The following COLEC10 variants were observed in gnomAD, a reference collection of about 807,000 sequenced individuals.
The protein encoded by COLEC10 is collectin-10.
COLEC10 carries 22 observed loss-of-function variants against 28.4 expected under a neutral mutation model. The ratio of observed to expected loss-of-function variants is 0.78; its 90% CI spans 0.55 to 1.11. The LOEUF (loss-of-function observed/expected upper bound fraction) is 1.11. COLEC10 is among the 50% of genes least tolerant of loss of function. The probability of loss-of-function intolerance (pLI) is 0.00; values close to 1 mark genes in which losing one functional copy is unlikely to be tolerated. For missense variants in COLEC10, 361 were observed against 344.1 expected, an observed-to-expected ratio of 1.05 and a Z score of -0.39; for synonymous variants, 125 against 116.1, an observed-to-expected ratio of 1.08 and a Z score of -0.49.
chr8:119,057,914 C>T (rs1814791326), intron 2 of COLEC10, among the ~76,000 whole-genome samples: 1 of 151,956 alleles, frequency 6.6e-6, no homozygotes, highest in Non-Finnish European at 1.5e-5. Flanking sequence ...GGTACTTGAG[C>T]TCTTTAATGC....
intron 1 of COLEC10, among the ~76,000 whole-genome samples, chr8:119,069,629 A>AAAAAATATATATAT (rs1554627284): frequency 1.2e-4 from 5 of 42,866 alleles, no homozygotes; most frequent in Non-Finnish European, 1.8e-4. Flanking sequence ...AAAAAAAAAA[A>AAAAAATATATATAT]ATATATATAT....
the COLEC10 span, among the ~76,000 whole-genome samples, chr8:118,975,685 G>A: frequency 6.6e-6 from 1 of 151,940 alleles, no homozygotes; most frequent in Non-Finnish European, 1.5e-5. Flanking sequence ...AGAGGAGAGA[G>A]GTGATTTCCT....
chr8:119,096,206 T>G (rs1402696273), intron 3 of COLEC10, among the ~76,000 whole-genome samples: 1 of 152,184 alleles, frequency 6.6e-6, no homozygotes, highest in Non-Finnish European at 1.5e-5. Flanking sequence ...GAAGTCTATA[T>G]TTTTGATCCT....
At chr8:119,081,039 AGTTTTT>A (rs1426051249) in intron 1 of COLEC10, among the ~76,000 whole-genome samples, 29 of 151,438 alleles carry the variant, frequency 1.9e-4, no homozygotes, top group Non-Finnish European at 4.3e-4. Context: ...GTTTGTTTAC[AGTTTTT>A]GTTTTTGCCA....
intron 5 of COLEC10, among the ~76,000 whole-genome samples, chr8:119,104,889 G>A (rs1270482615): frequency 6.6e-6 from 1 of 152,114 alleles, no homozygotes. Context: ...ATTTATTTGT[G>A]AATTAAAGTT....
At chr8:119,083,060 A>G (rs1410753015) in intron 1 of COLEC10, among the ~76,000 whole-genome samples, 3 of 152,146 alleles carry the variant, frequency 2.0e-5, no homozygotes, top group Non-Finnish European at 4.4e-5. Context: ...TTGTGTTTGC[A>G]AGTGAAAGAG....
At chr8:119,056,616 C>T (rs1249649570) in intron 2 of COLEC10, among the ~76,000 whole-genome samples, 1 of 151,504 alleles carries the variant, frequency 6.6e-6, no homozygotes, top group Non-Finnish European at 1.5e-5. Context: ...TGTCCATATT[C>T]CTTATTATCT....
At chr8:118,968,864 A>G in the COLEC10 span, among the ~76,000 whole-genome samples, 1 of 151,882 alleles carries the variant, frequency 6.6e-6, no homozygotes, top group Non-Finnish European at 1.5e-5. Context: ...GAGTGAGAAC[A>G]TGTGGTGTTT....
chr8:119,010,163 C>T (rs1431747566), intron 2 of COLEC10, among the ~76,000 whole-genome samples: 5 of 150,740 alleles, frequency 3.3e-5, no homozygotes, highest in Non-Finnish European at 4.4e-5. Flanking sequence ...CTGTGTTCTA[C>T]GTATTTAGCC....
At chr8:118,953,493 A>C in the COLEC10 span, among the ~76,000 whole-genome samples, 1 of 152,200 alleles carries the variant, frequency 6.6e-6, no homozygotes, top group Non-Finnish European at 1.5e-5. Context: ...AATGATGCCA[A>C]TATGTGGGTG....
chr8:119,092,709 A>C (rs1587059344), intron 3 of COLEC10, among the ~76,000 whole-genome samples: 1 of 151,990 alleles, frequency 6.6e-6, no homozygotes, highest in Non-Finnish European at 1.5e-5. Context: ...AGTTTGAGAC[A>C]AGCCTGGCCA....
chr8:118,998,108 A>G (rs1035630730), intron 1 of COLEC10, among the ~76,000 whole-genome samples: 3 of 152,204 alleles, frequency 2.0e-5, no homozygotes, highest in Non-Finnish European at 4.4e-5. Context: ...ATTTTCATCT[A>G]TAAAATAAAA....
At chr8:119,042,859 C>T (rs771485327) in intron 2 of COLEC10, among the ~76,000 whole-genome samples, 1 of 152,176 alleles carries the variant, frequency 6.6e-6, no homozygotes, top group Non-Finnish European at 1.5e-5. Context: ...TCAATTAGCT[C>T]TTTTTATTAC....
intron 1 of COLEC10, among the ~76,000 whole-genome samples, chr8:119,072,988 G>A (rs1389264113): frequency 6.6e-6 from 1 of 152,184 alleles, no homozygotes; most frequent in Non-Finnish European, 1.5e-5. Context: ...ACACAAATAG[G>A]ACATTTTGTG....
intron 2 of COLEC10, among the ~76,000 whole-genome samples, chr8:119,060,212 G>A (rs1249054095): frequency 1.3e-5 from 2 of 152,056 alleles, no homozygotes; most frequent in Non-Finnish European, 2.9e-5. Context: ...AAGAAAATAA[G>A]AGGAGCAACC....
intron 2 of COLEC10, among the ~76,000 whole-genome samples, chr8:119,062,181 A>G (rs562012724): frequency 2.4e-4 from 37 of 152,280 alleles, no homozygotes; most frequent in Non-Finnish European, 4.7e-4. Context: ...GATTAAAAGA[A>G]GGAAAATATG....
intron 2 of COLEC10, among the ~76,000 whole-genome samples, chr8:119,035,090 G>A (rs1345839224): frequency 6.6e-6 from 1 of 152,152 alleles, no homozygotes; most frequent in Non-Finnish European, 1.5e-5. Flanking sequence ...CCTCTTTACA[G>A]CACACATCGT....
intron 5 of COLEC10, among the ~76,000 whole-genome samples, chr8:119,104,364 C>T (rs1252726247): frequency 1.3e-5 from 2 of 152,054 alleles, no homozygotes; most frequent in East Asian, 3.9e-4. Flanking sequence ...GAGGAAGTAC[C>T]TTGCCCATAG....
intron 2 of COLEC10, among the ~76,000 whole-genome samples, chr8:119,025,746 G>C (rs1814179574): frequency 6.6e-6 from 1 of 152,122 alleles, no homozygotes; most frequent in Non-Finnish European, 1.5e-5. Flanking sequence ...TAGGTTCTCT[G>C]TGTACATGCA....
Sources: allele counts gnomAD v4.1 joint callset (sites outside exome capture counted in the v4.1 genomes callset), GRCh38; gene constraint gnomAD v4.1.1; transcripts MANE v1.5; gene names NCBI Gene and HGNC (gene_info 2026-07-23, HGNC 2026-07-21).